The following ZNF761 variants were observed in gnomAD, a reference collection of about 807,000 sequenced individuals.
ZNF761 encodes the protein zinc finger protein 761.
In ZNF761, 43 loss-of-function variants were observed where a neutral mutation model predicts 59.9. The ratio of observed to expected loss-of-function variants is 0.72; its 90% CI spans 0.56 to 0.92. ZNF761 has a LOEUF of 0.92. Among genes scored for constraint, ZNF761 ranks in the 40% least tolerant of loss-of-function variants. The probability of loss-of-function intolerance (pLI) is 0.00; values close to 1 mark genes in which losing one functional copy is unlikely to be tolerated. For synonymous variants in ZNF761, 294 were observed against 304.8 expected (o/e 0.96, Z 0.37); for missense variants, 850 against 906.1 (o/e 0.94, Z 0.79).
In ZNF761 at chr19:53,446,289, G is replaced by A. The variant is rs1368484869; in HGVS notation, c.-122G>A. On this transcript the variant is annotated 5_prime_UTR_variant, in exon 2 of 5. Coordinates refer to ENST00000684525, the MANE Select transcript of ZNF761 (RefSeq NM_001289951.2). ...GGGTCACTGCAACCTCTGTTTCCTG[G>A]GTTCAAGTGATTCTTGTGCCTCAGC... is the stretch of plus-strand genomic sequence containing the variant. 6.6e-6 allele frequency: 1 copy of A among 152,036 alleles called. No individual in the cohort carries two copies. Among genetic ancestry groups the A allele is most frequent in the East Asian group, 1.9e-4 (1 of 5,190 alleles). 9.4% of individuals were successfully genotyped at this position (152,036 alleles called of 1,614,324 possible). A position where few individuals can be genotyped will look rare whatever the true frequency, so the allele number is the denominator to read the frequency against.
chr19:53,441,743 C>T (rs11667160), intron 1 of ZNF761: 142,706 of 734,454 alleles, frequency 0.19, 15,968 homozygotes, highest in Admixed American at 0.3. Context: ...TGACCATGCC[C>T]GGCTGAGATA....
Position 53,457,057 on chromosome 19 carries a change from C to G in ZNF761, c.*309C>G, listed in dbSNP as rs924589561. ...CTGGCACAACATGCTAGAATTCACA[C>G]TGGAGAGAAACCTTACCAGTGTAAT... On this transcript the variant is annotated 3_prime_UTR_variant, in exon 5 of 5. Coordinates refer to ENST00000684525, the MANE Select transcript of ZNF761 (RefSeq NM_001289951.2). The G allele has an allele frequency of 4.8e-6, 3 of 631,036 alleles. No homozygotes were observed. In the African/African-American group the frequency reaches 5.5e-5, roughly 12 times the overall value. 39.1% of individuals were successfully genotyped at this position (631,036 alleles called of 1,614,324 possible). A position where few individuals can be genotyped will look rare whatever the true frequency, so the allele number is the denominator to read the frequency against.
chr19:53,442,143 TTGAAATCTGGGCCTTAAAAGA>T, intron 1 of ZNF761: 1 of 1,096,256 alleles, frequency 9.1e-7, no homozygotes, highest in Non-Finnish European at 1.4e-6. Flanking sequence ...ACAAAGGTTA[TTGAAATCTGGGCCTTAAAAGA>T]TGAAGAAGAT....
chr19:53,455,775 C>T lies in ZNF761; in HGVS notation c.1268C>T (p.Ser423Leu). 1 of 1,613,948 alleles carries T rather than the reference C, an allele frequency of 6.2e-7. No individual in the cohort carries two copies. Among genetic ancestry groups the T allele is most frequent in the Non-Finnish European group, 8.5e-7 (1 of 1,179,996 alleles). ...TGTGACAAAGCTTACAGTTTCAGATCAAATTTTGAAATACATCGGAAAATT... is the reference window on the plus strand; with the variant it reads ...TGTGACAAAGCTTACAGTTTCAGATTAAATTTTGAAATACATCGGAAAATT... ...EECDKAYSFR[S>L]NFEIHRKIHT... is the part of the protein sequence containing the mutation. Residue 423 changes from serine (S) to leucine (L), a missense_variant, in exon 5 of 5, where the codon TCA becomes TTA. Coordinates refer to ENST00000684525, the MANE Select transcript of ZNF761 (RefSeq NM_001289951.2).
intron 1 of ZNF761, among the ~76,000 whole-genome samples, chr19:53,435,699 T>G (rs2086034426): frequency 6.6e-6 from 1 of 152,016 alleles, no homozygotes; most frequent in African/African-American, 2.4e-5. Flanking sequence ...AGGTAGTATG[T>G]GTACAGTGGG....
Position 53,455,466 on chromosome 19 carries a change from A to G in ZNF761, c.959A>G (p.His320Arg). 1.3e-5 allele frequency: 21 copies of G among 1,614,012 alleles called. No homozygotes were observed. Among genetic ancestry groups the G allele is most frequent in the Non-Finnish European group, 1.5e-5 (18 of 1,180,010 alleles). The change falls in exon 5 of 5, where the codon CAT (histidine) becomes CGT (arginine). Residue 320 changes from histidine to arginine, a missense_variant. Coordinates refer to ENST00000684525, the MANE Select transcript of ZNF761 (RefSeq NM_001289951.2). ...ATACTTGAAAGACATAGGATAATTCATACTGAAGAGAAACCATATAAGTGT... is the reference window on the plus strand; with the variant it reads ...ATACTTGAAAGACATAGGATAATTCGTACTGAAGAGAAACCATATAAGTGT... ...KSILERHRII[H>R]TEEKPYKCNE...
chr19:53,448,945 A>G (rs1471976644), intron 3 of ZNF761, among the ~76,000 whole-genome samples: 3 of 151,962 alleles, frequency 2.0e-5, no homozygotes, highest in Non-Finnish European at 4.4e-5. Flanking sequence ...GCCAGATTTT[A>G]GTTTCTCATC....
At chr19:53,433,184 G>A (rs1487192278) in intron 1 of ZNF761, among the ~76,000 whole-genome samples, 2 of 152,096 alleles carry the variant, frequency 1.3e-5, no homozygotes, top group Non-Finnish European at 2.9e-5. Flanking sequence ...CCGGCTCAGT[G>A]GATTTACATC....
chr19:53,437,303 G>C (rs1318172020), intron 1 of ZNF761, among the ~76,000 whole-genome samples: 2 of 137,318 alleles, frequency 1.5e-5, no homozygotes, highest in Non-Finnish European at 3.1e-5. Flanking sequence ...GGGCGACAGA[G>C]CAAGACTCCA....
chr19:53,453,103 A>G (rs1355744309), intron 4 of ZNF761, among the ~76,000 whole-genome samples: 1 of 152,108 alleles, frequency 6.6e-6, no homozygotes, highest in Non-Finnish European at 1.5e-5. Context: ...CTGGGTTCAA[A>G]TGATTCTCCT....
At chr19:53,445,473 T>C (rs2086146930) in intron 1 of ZNF761, among the ~76,000 whole-genome samples, 1 of 133,440 alleles carries the variant, frequency 7.5e-6, no homozygotes, top group Non-Finnish European at 1.6e-5. Flanking sequence ...CTTCTCAGGG[T>C]AACTTGGTGA....
intron 3 of ZNF761, among the ~76,000 whole-genome samples, chr19:53,448,925 G>A (rs554376084): frequency 1.8e-4 from 28 of 152,090 alleles, no homozygotes; most frequent in Non-Finnish European, 3.5e-4. Context: ...GGCATGTGCC[G>A]CTGTGCCCAG....
Position 53,452,351 on chromosome 19 carries a change from C to T in ZNF761, c.143-2299C>T, listed in dbSNP as rs558494500. On this transcript the variant is annotated intron_variant, in intron 4 of 4. Transcript: ENST00000684525. ...TACAAAAATTAGCTGGGCATGCTGG[C>T]GCATGGCTGTTATCCCAAGTACTCA... Among the ~76,000 whole-genome samples the T allele has an allele frequency of 2.0e-5, 3 of 152,238 alleles. No individual in the cohort carries two copies. In the South Asian group the frequency reaches 6.2e-4, roughly 32 times the overall value.
intron 2 of ZNF761, 102 bp from the exon 3 acceptor site, chr19:53,447,094 G>T: frequency 1.4e-6 from 1 of 694,396 alleles, no homozygotes. Flanking sequence ...CAGCAGACGG[G>T]ACCATATTTC....
rs1320736489 is a variant in ZNF761 at position 53,454,769 on chromosome 19, C to A, written c.262C>A (p.Gln88Lys). ...TCATCACAATGGAGATTTTTGCTAC[C>A]AGGATGTTGATAAAGATATTCATGA... ...ESHHNGDFCY[Q>K]DVDKDIHDYE... The change falls in exon 5 of 5, where the codon CAG (glutamine) becomes AAG (lysine). Residue 88 changes from glutamine (Q) to lysine (K), a missense_variant. Transcript: ENST00000684525. 1 of 1,613,834 alleles carries A rather than the reference C, an allele frequency of 6.2e-7. No individual in the cohort carries two copies. The highest frequency in any genetic ancestry group is 1.3e-5 in the African/African-American group (1 of 74,828).
In ZNF761 at chr19:53,449,632, T is replaced by C. The variant is rs2086198397; in HGVS notation, c.136T>C (p.Ser46Pro). 1 of 1,606,038 alleles carries C rather than the reference T, an allele frequency of 6.2e-7. No homozygotes were observed. Among genetic ancestry groups the C allele is most frequent in the African/African-American group, 1.4e-5 (1 of 74,002 alleles). Residue 46 changes from serine (S) to proline (P), a missense_variant, in exon 4 of 5, where the codon TCC becomes CCC. Transcript: ENST00000684525. Reference protein sequence around the residue: ...VMLENYRNLVSLDISSKCTMK... With the variant: ...VMLENYRNLVPLDISSKCTMK... ...GCTGGAGAATTATAGGAACCTGGTC[T>C]CCCTGGGTGAGGATAACTTCCCTCC...
chr19:53,450,079 T>A (rs10775559), intron 4 of ZNF761: 10 of 342,480 alleles, frequency 2.9e-5, no homozygotes, highest in Non-Finnish European at 5.3e-5. Flanking sequence ...CCAAGGTGGG[T>A]GGATCACGAG....
At chr19:53,443,694 C>T (rs2086123843) in intron 1 of ZNF761, 1 of 152,092 alleles carries the variant, frequency 6.6e-6, no homozygotes. Context: ...AAGCAAAGAA[C>T]CATCAAGTCT....
intron 1 of ZNF761, among the ~76,000 whole-genome samples, chr19:53,437,340 G>T (rs2086054152): frequency 6.7e-6 from 1 of 150,118 alleles, no homozygotes; most frequent in Admixed American, 6.6e-5. Flanking sequence ...AGAAAAAATG[G>T]CACTACATAA....
Sources: gnomAD v4.1 joint callset for allele counts (sites outside exome capture counted in the v4.1 genomes callset) on GRCh38, gnomAD v4.1.1 for gene constraint, MANE v1.5 for transcripts, NCBI Gene and HGNC (gene_info 2026-07-23, HGNC 2026-07-21) for gene names.